The following DYNC2I1 variants were observed in gnomAD, a reference collection of about 807,000 sequenced individuals.
DYNC2I1 encodes cytoplasmic dynein 2 intermediate chain 1.
Under a neutral mutation model 133.4 loss-of-function variants are expected in DYNC2I1, and 89 were observed. The observed-to-expected ratio is 0.67, with a 90% CI of 0.56 to 0.80. The LOEUF (loss-of-function observed/expected upper bound fraction) is 0.80, where lower values mean the gene tolerates loss of function less well. Among genes scored for constraint, DYNC2I1 ranks in the 30% least tolerant of loss-of-function variants. The pLI, the probability that DYNC2I1 is intolerant of heterozygous loss-of-function variation, is 0.00. For missense variants in DYNC2I1, 1,291 were observed against 1,314.5 expected, an observed-to-expected ratio of 0.98 and a Z score of 0.28; for synonymous variants, 504 against 484.3, an observed-to-expected ratio of 1.04 and a Z score of -0.54.
In DYNC2I1 at chr7:158,930,132, T is replaced by G. The variant is rs114272430; in HGVS notation, c.2486-323T>G. ...TTTGCTGCTGTGATCTAAGGCTTAT[T>G]TAGTGTATGTACACTCGTACACATG... On this transcript the variant is annotated intron_variant, in intron 20 of 24. Transcript: ENST00000407559. Among the ~76,000 whole-genome samples the G allele has an allele frequency of 7.3e-3, 1,113 of 151,538 alleles. 15 individuals are homozygous for G. Among genetic ancestry groups the G allele is most frequent in the African/African-American group, 0.026 (1,043 of 40,822 alleles).
intron 3 of DYNC2I1, 144 bp from the exon 4 acceptor site, chr7:158,876,465 G>A (rs966277577): frequency 1.0e-6 from 1 of 1,000,908 alleles, no homozygotes; most frequent in Middle Eastern, 3.3e-4. Context: ...TCTTGAGTTG[G>A]AGGCATGTGT....
chr7:158,883,866 G>A (rs1434793429), intron 5 of DYNC2I1, among the ~76,000 whole-genome samples: 9 of 149,180 alleles, frequency 6.0e-5, no homozygotes, highest in Admixed American at 1.3e-4. Flanking sequence ...GAGTTTCACC[G>A]TGTTAGCCAG....
chr7:158,934,407 C>T lies in DYNC2I1; in HGVS notation c.2647-11C>T, dbSNP rs752602809. On this transcript the variant is annotated splice_polypyrimidine_tract_variant and intron_variant, in intron 22 of 24. Transcript: ENST00000407559. Reference sequence around the variant, plus strand: ...CACTCGTTCAGTCACTCTTGGGCTTCTTCTTCACAGGGTCTCATAAGCCAT... The same window carrying T: ...CACTCGTTCAGTCACTCTTGGGCTTTTTCTTCACAGGGTCTCATAAGCCAT... 2.5e-6 allele frequency: 4 copies of T among 1,604,922 alleles called. No homozygotes were observed. Among genetic ancestry groups the T allele is most frequent in the Non-Finnish European group, 3.4e-6 (4 of 1,175,868 alleles).
upstream of DYNC2I1, among the ~76,000 whole-genome samples, chr7:158,855,921 C>A (rs1563059845): frequency 1.3e-5 from 2 of 149,202 alleles, no homozygotes; most frequent in Non-Finnish European, 3.0e-5. Flanking sequence ...AAGCCTTATT[C>A]AAATGTAAAG....
intron 9 of DYNC2I1, among the ~76,000 whole-genome samples, 173 bp from the exon 10 acceptor site, chr7:158,902,203 T>G (rs1846323795): frequency 6.6e-6 from 1 of 152,242 alleles, no homozygotes; most frequent in African/African-American, 2.4e-5. Context: ...GGTAGCAGTT[T>G]ATATAAATTT....
intron 5 of DYNC2I1, among the ~76,000 whole-genome samples, chr7:158,880,551 C>T (rs765715594): frequency 3.9e-5 from 6 of 152,060 alleles, no homozygotes; most frequent in Non-Finnish European, 8.8e-5. Flanking sequence ...CGGAGTGAGA[C>T]TCTGTCTCTC....
chr7:158,940,406 G>T (rs1851225201), intron 23 of DYNC2I1, among the ~76,000 whole-genome samples: 2 of 152,176 alleles, frequency 1.3e-5, no homozygotes, highest in African/African-American at 4.8e-5. Context: ...CTCACCTGTT[G>T]CTGTGTGGCC....
chr7:158,943,707 T>G (rs1051136669), intron 24 of DYNC2I1, among the ~76,000 whole-genome samples: 1 of 151,736 alleles, frequency 6.6e-6, no homozygotes. Flanking sequence ...ATGTTTGTTG[T>G]CATTAGCAGG....
intron 23 of DYNC2I1, among the ~76,000 whole-genome samples, chr7:158,940,120 A>G (rs966110327): frequency 4.6e-5 from 7 of 152,236 alleles, no homozygotes; most frequent in Admixed American, 2.0e-4. Context: ...CATCAGAGTT[A>G]AACTACACAC....
intron 17 of DYNC2I1, 80 bp from the exon 18 acceptor site, chr7:158,926,107 G>C: frequency 3.6e-6 from 4 of 1,121,088 alleles, no homozygotes; most frequent in Non-Finnish European, 5.3e-6. Flanking sequence ...GAAGCACCTC[G>C]TGTTTGTCCC....
rs112164123 is a variant in DYNC2I1, at chr7:158,917,244, C to T, written c.1792-1496C>T. On this transcript the variant is annotated intron_variant, in intron 14 of 24. Transcript: ENST00000407559. ...TAAGGATGATTGTGAAATGTTGACA[C>T]GCTCGTTGACATTAAGGATGATTGT... Among the ~76,000 whole-genome samples, 364 of 119,624 alleles carry T rather than the reference C, an allele frequency of 3.0e-3. 14 individuals are homozygous for T. Among genetic ancestry groups the T allele is most frequent in the African/African-American group, 0.011 (338 of 31,418 alleles). 78.5% of individuals were successfully genotyped at this position (119,624 alleles called of 152,430 possible).
upstream of DYNC2I1, among the ~76,000 whole-genome samples, chr7:158,855,234 G>A (rs562112701): frequency 2.0e-5 from 3 of 152,174 alleles, no homozygotes; most frequent in African/African-American, 4.8e-5. Context: ...TAACTTGGGT[G>A]GGGGGAAGCC....
rs568095418 is a variant in DYNC2I1 at position 158,926,627 on chromosome 7, A to G, written c.2433+164A>G. 1.8e-4 allele frequency among the ~76,000 whole-genome samples: 28 copies of G among 152,352 alleles called. 1 individual carries two copies. The Middle Eastern group carries it at 0.01, about 56-fold the overall frequency. ...GAGCAGAAGGGATGCAGAAGGCCAC[A>G]CATGGCAGGTTTGGGGCCCTTTCGT... On this transcript the variant is annotated intron_variant, in intron 19 of 24. Coordinates refer to ENST00000407559, the MANE Select transcript of DYNC2I1 (RefSeq NM_018051.5).
intron 15 of DYNC2I1, among the ~76,000 whole-genome samples, chr7:158,920,056 A>G: frequency 6.6e-6 from 1 of 151,518 alleles, no homozygotes; most frequent in African/African-American, 2.4e-5. Context: ...AACGGGGAAC[A>G]CGTGAAGTGT....
chr7:158,899,640 G>C (rs1038568004), intron 8 of DYNC2I1, among the ~76,000 whole-genome samples: 10 of 152,160 alleles, frequency 6.6e-5, no homozygotes, highest in African/African-American at 1.9e-4. Flanking sequence ...GAATCATGGG[G>C]CCTGGTCTTT....
intron 8 of DYNC2I1, among the ~76,000 whole-genome samples, chr7:158,895,828 A>G (rs1439625329): frequency 1.3e-5 from 2 of 152,184 alleles, no homozygotes; most frequent in Non-Finnish European, 2.9e-5. Flanking sequence ...TTTTTCTCAT[A>G]GAGATCTTGT....
chr7:158,915,470 G>C (rs1306098278), intron 14 of DYNC2I1, among the ~76,000 whole-genome samples: 1 of 151,644 alleles, frequency 6.6e-6, no homozygotes. Context: ...TCGACACGCT[G>C]GTTGACATTA....
intron 5 of DYNC2I1, among the ~76,000 whole-genome samples, 192 bp from the exon 6 acceptor site, chr7:158,884,372 C>G (rs899390857): frequency 6.6e-6 from 1 of 152,092 alleles, no homozygotes; most frequent in Non-Finnish European, 1.5e-5. Context: ...ATACTTTTAT[C>G]CATTTTCTTT....
Position 158,866,793 on chromosome 7 carries a change from G to A in DYNC2I1, c.16-3062G>A, listed in dbSNP as rs1275989911. Among the ~76,000 whole-genome samples the A allele has an allele frequency of 2.6e-5, 4 of 151,910 alleles. No individual in the cohort carries two copies. The East Asian group carries it at 5.8e-4, about 22-fold the overall frequency. ...CCAGCTACTCAGGAGGCTGAGCCACGAGAATTGCTTGAACCTAGGAAGTGG... is the reference window on the plus strand; with the variant it reads ...CCAGCTACTCAGGAGGCTGAGCCACAAGAATTGCTTGAACCTAGGAAGTGG... On this transcript the variant is annotated intron_variant, in intron 1 of 24. Transcript: ENST00000407559.
Sources: gnomAD v4.1 joint callset for allele counts (sites outside exome capture counted in the v4.1 genomes callset) on GRCh38, gnomAD v4.1.1 for gene constraint, MANE v1.5 for transcripts, NCBI Gene and HGNC (gene_info 2026-07-23, HGNC 2026-07-21) for gene names.